Variants in UBE2E2 observed in about 807,000 individuals in gnomAD.
UBE2E2 encodes the protein ubiquitin-conjugating enzyme E2 E2.
In UBE2E2, 6 loss-of-function variants were observed where a neutral mutation model predicts 24.7. That is an observed-to-expected ratio of 0.24 (90% CI 0.13 to 0.48). The LOEUF is 0.48. Among genes scored for constraint, UBE2E2 ranks in the 20% least tolerant of loss-of-function variants. The pLI is 0.99. For synonymous variants in UBE2E2, 104 were observed against 83.6 expected (o/e 1.24, Z -1.33); for missense variants, 169 against 245.0 (o/e 0.69, Z 2.07).
At chr3:23,572,958 A>G (rs1052587884) in intron 5 of UBE2E2, among the ~76,000 whole-genome samples, 3 of 152,170 alleles carry the variant, frequency 2.0e-5, no homozygotes, top group African/African-American at 7.2e-5. Flanking sequence ...ATTTAGAGGG[A>G]CATGAGAGTC....
At chr3:23,292,684 A>G (rs529087169) in intron 3 of UBE2E2, among the ~76,000 whole-genome samples, 18 of 152,202 alleles carry the variant, frequency 1.2e-4, no homozygotes, top group Non-Finnish European at 2.4e-4. Context: ...CTTGAACTAG[A>G]CAGCCTTGGC....
At chr3:23,577,743 C>T (rs143675593) in intron 5 of UBE2E2, among the ~76,000 whole-genome samples, 2 of 152,254 alleles carry the variant, frequency 1.3e-5, no homozygotes, top group East Asian at 3.9e-4. Context: ...CAATCTAGGA[C>T]ATTTATAGCT....
At chr3:23,458,456 C>T (rs1388039053) in intron 3 of UBE2E2, among the ~76,000 whole-genome samples, 5 of 146,156 alleles carry the variant, frequency 3.4e-5, no homozygotes, top group African/African-American at 1.1e-4. Flanking sequence ...GAGTCTCTAT[C>T]GCCCAGGCTG....
chr3:23,552,477 G>A (rs943798176), intron 5 of UBE2E2, among the ~76,000 whole-genome samples: 7 of 152,158 alleles, frequency 4.6e-5, no homozygotes, highest in Non-Finnish European at 1.0e-4. Flanking sequence ...CTAAACTAAT[G>A]GGTTGCTTTT....
At chr3:23,350,949 T>C (rs1695729772) in intron 3 of UBE2E2, among the ~76,000 whole-genome samples, 1 of 151,942 alleles carries the variant, frequency 6.6e-6, no homozygotes, top group Admixed American at 6.5e-5. Flanking sequence ...TTCACCAAAG[T>C]TGAAATGAAG....
chr3:23,589,083 C>T lies in UBE2E2; in HGVS notation c.509-651C>T, dbSNP rs1049984061. On this transcript the variant is annotated intron_variant, in intron 5 of 5. Coordinates refer to ENST00000396703, the MANE Select transcript of UBE2E2 (RefSeq NM_152653.4). The surrounding 1 kb of genome is among the most constrained non-coding windows in gnomAD (Gnocchi z 4.1). ...CTTCCCAGGAGAGCTCATCAAGAGC[C>T]CATGAGTCCCCTGCCCACAGCCCAC... 1.8e-4 allele frequency among the ~76,000 whole-genome samples: 27 copies of T among 151,942 alleles called. No homozygotes were observed. Among genetic ancestry groups the T allele is most frequent in the African/African-American group, 6.3e-4 (26 of 41,346 alleles).
intron 5 of UBE2E2, among the ~76,000 whole-genome samples, chr3:23,564,495 A>G (rs1227733861): frequency 6.6e-6 from 1 of 152,110 alleles, no homozygotes; most frequent in Non-Finnish European, 1.5e-5. Context: ...AAATACTCCA[A>G]ATGAGGGTAC....
intron 4 of UBE2E2, among the ~76,000 whole-genome samples, chr3:23,524,530 A>T (rs1433121744): frequency 6.6e-6 from 1 of 152,174 alleles, no homozygotes; most frequent in Non-Finnish European, 1.5e-5. Context: ...TTCATCCAAA[A>T]AGAGAATTCC....
At chr3:23,253,363 G>C (rs6766166) in intron 3 of UBE2E2, among the ~76,000 whole-genome samples, 52,301 of 152,036 alleles carry the variant, frequency 0.34, 9,236 homozygotes, top group South Asian at 0.4. Flanking sequence ...TAGGTAAATG[G>C]GCATAGTACA....
rs144439246 is a variant in UBE2E2, at chr3:23,544,083, C to T, written c.508+11382C>T. On this transcript the variant is annotated intron_variant, in intron 5 of 5. Coordinates refer to ENST00000396703, the MANE Select transcript of UBE2E2 (RefSeq NM_152653.4). ...CAACTTAAGATGGATTAAAGACTTA[C>T]ATTGAAGACTAAACCATAAAAATTC... is the stretch of plus-strand genomic sequence containing the variant. Among the ~76,000 whole-genome samples, 127 of 152,228 alleles carry T rather than the reference C, an allele frequency of 8.3e-4. No individual in the cohort carries two copies. In the Middle Eastern group the frequency reaches 0.017, roughly 20 times the overall value.
intron 1 of UBE2E2, among the ~76,000 whole-genome samples, chr3:23,208,252 A>G (rs1025851745): frequency 6.6e-6 from 1 of 152,212 alleles, no homozygotes; most frequent in African/African-American, 2.4e-5. Context: ...TCATATAAAT[A>G]GTCAAACAGT....
intron 3 of UBE2E2, among the ~76,000 whole-genome samples, chr3:23,453,228 T>G (rs1430008498): frequency 6.6e-6 from 1 of 152,200 alleles, no homozygotes; most frequent in Non-Finnish European, 1.5e-5. Context: ...TAAATCAACG[T>G]AGTTGTGGTG....
intron 4 of UBE2E2, among the ~76,000 whole-genome samples, chr3:23,523,009 G>C (rs1694904085): frequency 6.6e-6 from 1 of 151,240 alleles, no homozygotes; most frequent in Non-Finnish European, 1.5e-5. Context: ...TAAAAAAACA[G>C]AACAAGTCAA....
At chr3:23,533,038 C>T (rs1325907811) in intron 5 of UBE2E2, among the ~76,000 whole-genome samples, 1 of 151,992 alleles carries the variant, frequency 6.6e-6, no homozygotes, top group Admixed American at 6.6e-5. Flanking sequence ...TAATTAGATG[C>T]CTACTAGAAG....
intron 3 of UBE2E2, among the ~76,000 whole-genome samples, chr3:23,291,761 C>A (rs1195061603): frequency 7.6e-5 from 11 of 144,144 alleles, no homozygotes; most frequent in African/African-American, 2.3e-4. Context: ...TGGCTCACTG[C>A]AACCTCCGTC....
intron 3 of UBE2E2, among the ~76,000 whole-genome samples, chr3:23,401,552 A>G (rs1259714769): frequency 1.3e-5 from 2 of 152,082 alleles, no homozygotes; most frequent in African/African-American, 4.8e-5. Context: ...TGTGCTCCCA[A>G]CTTACTATGC....
intron 5 of UBE2E2, among the ~76,000 whole-genome samples, chr3:23,562,274 A>G (rs1446534733): frequency 1.3e-5 from 2 of 152,060 alleles, no homozygotes; most frequent in East Asian, 1.9e-4. Flanking sequence ...AGTTTTTAGC[A>G]TGAAGCGTTG....
At chr3:23,578,242 T>C (rs956003563) in intron 5 of UBE2E2, among the ~76,000 whole-genome samples, 1 of 152,158 alleles carries the variant, frequency 6.6e-6, no homozygotes, top group East Asian at 1.9e-4. Flanking sequence ...TATCATCTCA[T>C]GCCAGTCAGA....
At chr3:23,581,059 TA>T (rs1391722061) in intron 5 of UBE2E2, among the ~76,000 whole-genome samples, 2 of 152,118 alleles carry the variant, frequency 1.3e-5, no homozygotes, top group African/African-American at 2.4e-5. Context: ...GTCCTTTTAT[TA>T]TTTTTTTAAT....
Sources: gnomAD v4.1 joint callset for allele counts (sites outside exome capture counted in the v4.1 genomes callset) on GRCh38, gnomAD v4.1.1 for gene constraint, Gnocchi (gnomAD v3.1) non-coding constraint, MANE v1.5 for transcripts, NCBI Gene and HGNC (gene_info 2026-07-23, HGNC 2026-07-21) for gene names.